The following IL1RAPL2 variants were observed in gnomAD, a reference collection of about 807,000 sequenced individuals.
IL1RAPL2 encodes interleukin 1 receptor accessory protein like 2.
IL1RAPL2 carries 3 observed loss-of-function variants against 44.1 expected under a neutral mutation model. That is an observed-to-expected ratio of 0.07 (90% confidence interval 0.03 to 0.18). IL1RAPL2 has a LOEUF of 0.18. IL1RAPL2 is among the 10% of genes least tolerant of loss of function. The pLI, the probability that IL1RAPL2 is intolerant of heterozygous loss-of-function variation, is 1.00. For missense variants in IL1RAPL2, 391 were observed against 496.4 expected (o/e 0.79, Z 2.02); for synonymous variants, 181 against 178.8 (o/e 1.01, Z -0.10).
At chrX:104,756,852 A>G (rs1288921118) in intron 2 of IL1RAPL2, among the ~76,000 whole-genome samples, 5 of 109,779 alleles carry the variant, frequency 4.6e-5, no homozygotes, top group Non-Finnish European at 9.5e-5. Context: ...TATTTCAAGC[A>G]GTGGAAGCAT....
At chrX:105,468,875 C>T (rs923327612) in intron 5 of IL1RAPL2, among the ~76,000 whole-genome samples, 6 of 111,785 alleles carry the variant, frequency 5.4e-5, no homozygotes, top group Admixed American at 3.8e-4. Context: ...TACTTTGGAG[C>T]ACATATTTCT....
chrX:105,401,351 A>G (rs1279996339), intron 5 of IL1RAPL2, among the ~76,000 whole-genome samples: 1 of 111,595 alleles, frequency 9.0e-6, no homozygotes, highest in Non-Finnish European at 1.9e-5. Flanking sequence ...TACAAATGAT[A>G]TATTTCATTT....
At chrX:105,272,168 A>G (rs1248195168) in intron 5 of IL1RAPL2, among the ~76,000 whole-genome samples, 2 of 105,832 alleles carry the variant, frequency 1.9e-5, no homozygotes, top group Non-Finnish European at 3.9e-5. Flanking sequence ...GCATTGGGAG[A>G]TATACCTAAT....
In IL1RAPL2 at chrX:104,864,130, T is replaced by C. The variant is rs1257123420; in HGVS notation, c.82+205135T>C. 2.7e-5 allele frequency among the ~76,000 whole-genome samples: 3 copies of C among 112,036 alleles called. No homozygotes were observed. In the Admixed American group the frequency reaches 2.8e-4, roughly 11 times the overall value. On this transcript the variant is annotated intron_variant, in intron 2 of 10. Transcript: ENST00000372582. The stretch of plus-strand genomic sequence containing the variant: ...AACCAACTTTCTTGAATTCTGGATG[T>C]TGCCTTGCAAACTGGCATTCACTTA...
chrX:104,843,838 G>C (rs1201511763), intron 2 of IL1RAPL2, among the ~76,000 whole-genome samples: 1 of 110,148 alleles, frequency 9.1e-6, no homozygotes. Flanking sequence ...GTTTCTATTC[G>C]GCCATCTTGG....
At chrX:104,922,877 A>G (rs1924679421) in intron 2 of IL1RAPL2, among the ~76,000 whole-genome samples, 1 of 112,000 alleles carries the variant, frequency 8.9e-6, no homozygotes, top group Non-Finnish European at 1.9e-5. Context: ...AGCTCAGTGA[A>G]ATACAAAGGA....
intron 5 of IL1RAPL2, chrX:105,405,870 A>G (rs1222684905): frequency 8.6e-7 from 1 of 1,162,915 alleles, no homozygotes; most frequent in Non-Finnish European, 1.2e-6. Flanking sequence ...AAAAGCCACC[A>G]GTGTGTATAA....
At chrX:104,917,174 G>C (rs770774901) in intron 2 of IL1RAPL2, among the ~76,000 whole-genome samples, 12 of 111,371 alleles carry the variant, frequency 1.1e-4, no homozygotes, top group Non-Finnish European at 2.1e-4. Context: ...CTCTGGTAGA[G>C]TTCGGCTGTG....
chrX:105,219,804 G>C (rs1556177754), intron 3 of IL1RAPL2: 1 of 1,142,278 alleles, frequency 8.8e-7, no homozygotes, highest in African/African-American at 1.8e-5. Context: ...GGGGCAAGGC[G>C]GGAGCACTAA....
intron 2 of IL1RAPL2, among the ~76,000 whole-genome samples, chrX:104,727,435 G>A (rs889906549): frequency 4.5e-5 from 5 of 110,701 alleles, no homozygotes; most frequent in South Asian, 3.7e-4. Flanking sequence ...AAAAAATAAC[G>A]GATCCTGGAA....
chrX:104,931,477 A>G (rs1045680129), intron 2 of IL1RAPL2, among the ~76,000 whole-genome samples: 2 of 109,650 alleles, frequency 1.8e-5, no homozygotes, highest in African/African-American at 3.3e-5. Context: ...TTTTGATTGG[A>G]GAAGGTTAGA....
intron 5 of IL1RAPL2, among the ~76,000 whole-genome samples, chrX:105,269,898 C>T (rs1372136799): frequency 8.9e-6 from 1 of 112,238 alleles, no homozygotes; most frequent in African/African-American, 3.2e-5. Context: ...CTGTTGACAA[C>T]GCATTTGCTT....
At chrX:105,021,570 C>T (rs2031282714) in intron 2 of IL1RAPL2, among the ~76,000 whole-genome samples, 1 of 111,258 alleles carries the variant, frequency 9.0e-6, no homozygotes, top group African/African-American at 3.3e-5. Context: ...CATCTCTGCC[C>T]TGAGTAATTA....
intron 2 of IL1RAPL2, among the ~76,000 whole-genome samples, chrX:105,131,914 T>C (rs1399885315): frequency 9.0e-6 from 1 of 111,579 alleles, no homozygotes; most frequent in Non-Finnish European, 1.9e-5. Flanking sequence ...GTAGTCTTTT[T>C]GACTAAAAGG....
intron 1 of IL1RAPL2, among the ~76,000 whole-genome samples, chrX:104,585,312 A>AATATATAAT (rs1928511794): frequency 9.2e-5 from 2 of 21,698 alleles, no homozygotes; most frequent in Non-Finnish European, 1.3e-4. Context: ...TATATTATAT[A>AATATATAAT]ATATATATTA....
chrX:105,136,402 A>G (rs975128854), intron 2 of IL1RAPL2, among the ~76,000 whole-genome samples: 13 of 112,109 alleles, frequency 1.2e-4, no homozygotes, highest in Non-Finnish European at 2.1e-4. Flanking sequence ...GATGCCATAA[A>G]TATCCTCCAC....
At chrX:105,628,956 A>C (rs963516692) in intron 6 of IL1RAPL2, among the ~76,000 whole-genome samples, 2 of 110,237 alleles carry the variant, frequency 1.8e-5, no homozygotes, top group African/African-American at 6.6e-5. Context: ...AAAAAAAAAA[A>C]GTTGAGCAGG....
At chrX:105,763,531 G>GAGAT (rs1032448171) in intron 10 of IL1RAPL2, among the ~76,000 whole-genome samples, 7 of 111,422 alleles carry the variant, frequency 6.3e-5, no homozygotes, top group East Asian at 2.8e-4. Flanking sequence ...GAAGCAGAGG[G>GAGAT]AGATAGGATA....
At chrX:104,574,310 A>G (rs776999779) in intron 1 of IL1RAPL2, among the ~76,000 whole-genome samples, 2 of 111,652 alleles carry the variant, frequency 1.8e-5, no homozygotes, top group South Asian at 7.5e-4. Flanking sequence ...AAATGGGGAA[A>G]ATTCATGAAT....
Sources: allele counts gnomAD v4.1 joint callset (sites outside exome capture counted in the v4.1 genomes callset), GRCh38; gene constraint gnomAD v4.1.1; transcripts MANE v1.5; gene names NCBI Gene and HGNC (gene_info 2026-07-23, HGNC 2026-07-21).